Variants in CDH2 observed in about 807,000 individuals in gnomAD.
CDH2 encodes the protein cadherin 2.
In CDH2, 17 loss-of-function variants were observed where a neutral mutation model predicts 92.0. The ratio of observed to expected loss-of-function variants is 0.18; its 90% confidence interval spans 0.13 to 0.28. The LOEUF (loss-of-function observed/expected upper bound fraction) is 0.28, where lower values mean the gene tolerates loss of function less well. Ranked by LOEUF, CDH2 falls within the 10% of genes least tolerant of loss-of-function variation. The pLI is 1.00. For missense variants in CDH2, 862 were observed against 1,133.1 expected, an observed-to-expected ratio of 0.76 and a Z score of 3.44; for synonymous variants, 419 against 415.9, an observed-to-expected ratio of 1.01 and a Z score of -0.09.
intron 14 of CDH2, among the ~76,000 whole-genome samples, chr18:27,978,162 T>G (rs566205280): frequency 6.6e-6 from 1 of 152,292 alleles, no homozygotes; most frequent in South Asian, 2.1e-4. Flanking sequence ...GAAAGTGGAG[T>G]ACTTGTAGTA....
intron 2 of CDH2, among the ~76,000 whole-genome samples, chr18:28,078,453 G>C (rs2144184652): frequency 6.6e-6 from 1 of 152,196 alleles, no homozygotes; most frequent in East Asian, 1.9e-4. Context: ...GATAGATTAA[G>C]ACAGCAGAGA....
At chr18:27,954,241 A>G (rs2143858111) in intron 15 of CDH2, among the ~76,000 whole-genome samples, 1 of 152,308 alleles carries the variant, frequency 6.6e-6, no homozygotes, top group African/African-American at 2.4e-5. Flanking sequence ...TGAGAACCAC[A>G]ACCTACAATT....
At chr18:27,984,886 C>T in intron 13 of CDH2, 114 bp downstream of exon 13, 1 of 741,904 alleles carries the variant, frequency 1.3e-6, no homozygotes, top group East Asian at 2.7e-5. Context: ...CGAGGAAATG[C>T]TGAAAGGTCA....
At chr18:28,161,972 A>G (rs17536834) in intron 1 of CDH2, among the ~76,000 whole-genome samples, 11,132 of 152,202 alleles carry the variant, frequency 0.073, 1,321 homozygotes, top group African/African-American at 0.25. Context: ...GAGCACTGTC[A>G]AAGATGGGAT....
chr18:28,009,512 G>C (rs780112577), intron 5 of CDH2, among the ~76,000 whole-genome samples: 2 of 152,046 alleles, frequency 1.3e-5, no homozygotes, highest in Non-Finnish European at 2.9e-5. Context: ...TTCTTTCTTT[G>C]TTGTGGGCAC....
chr18:28,030,067 T>A (rs901534109), intron 2 of CDH2, among the ~76,000 whole-genome samples: 3 of 152,126 alleles, frequency 2.0e-5, no homozygotes, highest in Non-Finnish European at 4.4e-5. Flanking sequence ...ATAATATTCT[T>A]ATAATGTCCT....
At chr18:27,955,055 A>G (rs1193559072) in intron 15 of CDH2, among the ~76,000 whole-genome samples, 2 of 152,146 alleles carry the variant, frequency 1.3e-5, no homozygotes, top group Non-Finnish European at 2.9e-5. Flanking sequence ...ACAAATATTA[A>G]ATTTTCATTA....
intron 14 of CDH2, among the ~76,000 whole-genome samples, chr18:27,968,844 AT>A (rs1043753562): frequency 6.6e-6 from 1 of 152,232 alleles, no homozygotes; most frequent in East Asian, 1.9e-4. Context: ...AGGAAAAAAA[AT>A]ATCTGGAAAA....
intron 2 of CDH2, among the ~76,000 whole-genome samples, chr18:28,018,250 G>A (rs546131760): frequency 1.6e-3 from 239 of 151,306 alleles, no homozygotes; most frequent in African/African-American, 4.5e-3. Flanking sequence ...CAAACAAATG[G>A]AAACACATAC....
intron 1 of CDH2, among the ~76,000 whole-genome samples, chr18:28,153,598 G>A (rs189031311): frequency 6.6e-6 from 1 of 152,218 alleles, no homozygotes; most frequent in Non-Finnish European, 1.5e-5. Flanking sequence ...CAGAGTGACT[G>A]CAGCATGAAC....
intron 2 of CDH2, among the ~76,000 whole-genome samples, chr18:28,086,724 A>G (rs1330224636): frequency 6.6e-6 from 1 of 151,860 alleles, no homozygotes; most frequent in Non-Finnish European, 1.5e-5. Context: ...GTTTCAGCCT[A>G]TGCTCTCATC....
intron 2 of CDH2, among the ~76,000 whole-genome samples, chr18:28,104,775 A>G (rs1400327221): frequency 1.3e-5 from 2 of 151,708 alleles, no homozygotes; most frequent in Non-Finnish European, 2.9e-5. Context: ...TGTTCCATCT[A>G]TATGTATGTT....
intron 2 of CDH2, among the ~76,000 whole-genome samples, chr18:28,028,815 G>A (rs1432068578): frequency 6.6e-6 from 1 of 152,082 alleles, no homozygotes; most frequent in Admixed American, 6.6e-5. Flanking sequence ...GCAACCTGAT[G>A]TGTATTAAGT....
chr18:28,124,302 T>C (rs2015639094), intron 2 of CDH2, among the ~76,000 whole-genome samples: 1 of 152,174 alleles, frequency 6.6e-6, no homozygotes, highest in African/African-American at 2.4e-5. Context: ...TCAATTCTCA[T>C]TCAAAATAAG....
intron 15 of CDH2, 43 bp downstream of exon 15, chr18:27,963,314 T>A (rs978954878): frequency 7.6e-6 from 12 of 1,586,792 alleles, no homozygotes; most frequent in Non-Finnish European, 1.0e-5. Flanking sequence ...ACCATTAGCA[T>A]GAAATGAAAA....
At chr18:27,975,143 A>T (rs933647762) in intron 14 of CDH2, among the ~76,000 whole-genome samples, 3 of 152,172 alleles carry the variant, frequency 2.0e-5, no homozygotes, top group Admixed American at 2.0e-4. Flanking sequence ...GCTGGGCCTT[A>T]CCTGGAGAGA....
chr18:27,970,975 C>T (rs1356284328), intron 14 of CDH2, among the ~76,000 whole-genome samples: 7 of 152,174 alleles, frequency 4.6e-5, no homozygotes, highest in East Asian at 3.9e-4. Flanking sequence ...CGGTGGCTTA[C>T]GCCTGTAATC....
chr18:28,173,007 T>C (rs1004467311), intron 1 of CDH2, among the ~76,000 whole-genome samples: 3 of 152,110 alleles, frequency 2.0e-5, no homozygotes, highest in African/African-American at 4.8e-5. Flanking sequence ...GATTTAAGAA[T>C]TGAAATTGTT....
chr18:27,939,167 C>T (rs545705030), intron 6 of CDH2, among the ~76,000 whole-genome samples: 7 of 152,228 alleles, frequency 4.6e-5, no homozygotes, highest in South Asian at 2.1e-4. Flanking sequence ...AGTTTCCCCA[C>T]GTTTTCTTCC....
Sources: gnomAD v4.1 joint callset for allele counts (sites outside exome capture counted in the v4.1 genomes callset) on GRCh38, gnomAD v4.1.1 for gene constraint, MANE v1.5 for transcripts, NCBI Gene and HGNC (gene_info 2026-07-23, HGNC 2026-07-21) for gene names.